BTBD9: variants seen among roughly 807,000 people sequenced by gnomAD.
The protein encoded by BTBD9 is BTB domain containing 9, also known as BTB/POZ domain-containing protein 9.
Under a neutral mutation model 64.3 loss-of-function variants are expected in BTBD9, and 49 were observed. The observed-to-expected ratio is 0.76, with a 90% confidence interval of 0.61 to 0.97. The LOEUF (loss-of-function observed/expected upper bound fraction) is 0.97, where lower values mean the gene tolerates loss of function less well. Among genes scored for constraint, BTBD9 ranks in the 50% least tolerant of loss-of-function variants. The pLI, the probability that BTBD9 is intolerant of heterozygous loss-of-function variation, is 0.00. For missense variants in BTBD9, 598 were observed against 762.1 expected, an observed-to-expected ratio of 0.78 and a Z score of 2.53; for synonymous variants, 260 against 274.7, an observed-to-expected ratio of 0.95 and a Z score of 0.53.
chr6:38,387,766 G>C (rs937183674), intron 6 of BTBD9, among the ~76,000 whole-genome samples: 29 of 151,984 alleles, frequency 1.9e-4, no homozygotes, highest in Admixed American at 1.9e-3. Flanking sequence ...TCTGCCAATA[G>C]ATAAATTCTT....
At chr6:38,412,613 C>A (rs1452669411) in intron 6 of BTBD9, among the ~76,000 whole-genome samples, 6 of 151,314 alleles carry the variant, frequency 4.0e-5, no homozygotes, top group Non-Finnish European at 8.8e-5. Context: ...AATACCAGCA[C>A]TTTGGGAGGC....
intron 6 of BTBD9, among the ~76,000 whole-genome samples, chr6:38,365,758 C>CA (rs34375597): frequency 0.25 from 29,389 of 115,498 alleles, 3,354 homozygotes; most frequent in African/African-American, 0.27. Context: ...GATCCTGACT[C>CA]AAAAAAAAAA....
At chr6:38,187,312 C>G (rs750845603) in intron 10 of BTBD9, among the ~76,000 whole-genome samples, 5 of 152,180 alleles carry the variant, frequency 3.3e-5, no homozygotes, top group Non-Finnish European at 7.3e-5. Flanking sequence ...TGAACGACCA[C>G]ACAGGAATGA....
At chr6:38,409,818 T>G (rs973702346) in intron 6 of BTBD9, among the ~76,000 whole-genome samples, 1 of 151,960 alleles carries the variant, frequency 6.6e-6, no homozygotes, top group African/African-American at 2.4e-5. Flanking sequence ...AGCAAGACTC[T>G]GTATCAAAAA....
At chr6:38,269,148 C>T (rs1765117367) in intron 8 of BTBD9, among the ~76,000 whole-genome samples, 1 of 152,102 alleles carries the variant, frequency 6.6e-6, no homozygotes, top group Admixed American at 6.5e-5. Flanking sequence ...AATCATAATT[C>T]TCTATGTGGT....
intron 6 of BTBD9, among the ~76,000 whole-genome samples, chr6:38,497,996 G>T (rs1050763614): frequency 6.6e-6 from 1 of 152,180 alleles, no homozygotes; most frequent in Non-Finnish European, 1.5e-5. Flanking sequence ...AGGCTGAGAT[G>T]CCCCTTGGTC....
At chr6:38,262,639 C>G (rs1435842499) in intron 8 of BTBD9, among the ~76,000 whole-genome samples, 1 of 152,100 alleles carries the variant, frequency 6.6e-6, no homozygotes, top group Non-Finnish European at 1.5e-5. Flanking sequence ...TTTCAAAACT[C>G]TTTTCTTTGT....
chr6:38,466,839 A>G (rs895735268), intron 6 of BTBD9, among the ~76,000 whole-genome samples: 6 of 152,172 alleles, frequency 3.9e-5, no homozygotes, highest in African/African-American at 7.2e-5. Flanking sequence ...CAGCCTCCCG[A>G]AGTGCTGGGA....
chr6:38,455,034 G>A (rs142620870), intron 6 of BTBD9, among the ~76,000 whole-genome samples: 204 of 152,118 alleles, frequency 1.3e-3, no homozygotes, highest in Non-Finnish European at 2.5e-3. Context: ...AGCACAACAA[G>A]CATTATAATG....
At chr6:38,541,278 T>A (rs1449089930) in intron 6 of BTBD9, among the ~76,000 whole-genome samples, 1 of 152,224 alleles carries the variant, frequency 6.6e-6, no homozygotes, top group Non-Finnish European at 1.5e-5. Flanking sequence ...TGGTTTTGTT[T>A]TTTGTTTTAC....
chr6:38,561,742 A>AT (rs1284976012), intron 6 of BTBD9, among the ~76,000 whole-genome samples: 1 of 152,190 alleles, frequency 6.6e-6, no homozygotes, highest in Non-Finnish European at 1.5e-5. Context: ...CAGTGGGTAC[A>AT]TATGTAAATA....
intron 7 of BTBD9, among the ~76,000 whole-genome samples, chr6:38,319,566 C>T (rs963609270): frequency 5.3e-5 from 8 of 152,064 alleles, no homozygotes; most frequent in African/African-American, 1.4e-4. Context: ...TGGCCCAGGG[C>T]GTGACTAGAA....
chr6:38,519,145 A>G (rs1773176777), intron 6 of BTBD9, among the ~76,000 whole-genome samples: 1 of 152,182 alleles, frequency 6.6e-6, no homozygotes, highest in African/African-American at 2.4e-5. Context: ...TGCATGTGGG[A>G]AATGTGACTT....
chr6:38,583,465 C>T (rs1776380429), intron 4 of BTBD9, among the ~76,000 whole-genome samples: 1 of 152,184 alleles, frequency 6.6e-6, no homozygotes, highest in Admixed American at 6.5e-5. Context: ...TGCCACTGCA[C>T]TCCAGCCTGG....
At chr6:38,635,397 A>G (rs1168875263) in intron 1 of BTBD9, among the ~76,000 whole-genome samples, 3 of 152,030 alleles carry the variant, frequency 2.0e-5, no homozygotes, top group Non-Finnish European at 4.4e-5. Context: ...CAGCCTCCCA[A>G]AGTGCTGGAG....
chr6:38,290,803 G>A (rs563357657), intron 7 of BTBD9, among the ~76,000 whole-genome samples: 12 of 152,280 alleles, frequency 7.9e-5, no homozygotes, highest in Admixed American at 2.0e-4. Flanking sequence ...CTGTGTGCCT[G>A]GGAAAAGCTC....
chr6:38,428,445 T>C (rs1199987492), intron 6 of BTBD9, among the ~76,000 whole-genome samples: 1 of 149,374 alleles, frequency 6.7e-6, no homozygotes, highest in Non-Finnish European at 1.5e-5. Context: ...CAGGCTGAAG[T>C]GAGTGGCATG....
chr6:38,171,024 T>C lies in BTBD9; in HGVS notation c.*3961A>G, dbSNP rs1028864771. On this transcript the variant is annotated 3_prime_UTR_variant, in exon 11 of 11. Coordinates refer to ENST00000481247, the MANE Select transcript of BTBD9 (RefSeq NM_001099272.2). Reference sequence around the variant, plus strand: ...ATTTTCTTTTCCTCTTTGACACCTTTCTTCCCTGTCCAAAGGGAGGTTCTT... The same window carrying C: ...ATTTTCTTTTCCTCTTTGACACCTTCCTTCCCTGTCCAAAGGGAGGTTCTT... The C allele has an allele frequency of 3.9e-5, 6 of 152,258 alleles. No homozygotes were observed. Among genetic ancestry groups the C allele is most frequent in the Non-Finnish European group, 7.3e-5 (5 of 68,044 alleles). 9.4% of individuals were successfully genotyped at this position (152,258 alleles called of 1,614,324 possible).
intron 6 of BTBD9, among the ~76,000 whole-genome samples, chr6:38,394,796 G>A (rs911317424): frequency 6.6e-6 from 1 of 152,104 alleles, no homozygotes; most frequent in Non-Finnish European, 1.5e-5. Flanking sequence ...TCTGCCAACG[G>A]CCAGTGTCAA....
Sources: allele counts gnomAD v4.1 joint callset (sites outside exome capture counted in the v4.1 genomes callset), GRCh38; gene constraint gnomAD v4.1.1; transcripts MANE v1.5; gene names NCBI Gene and HGNC (gene_info 2026-07-23, HGNC 2026-07-21).